Variants in DLG2 observed in about 807,000 individuals in gnomAD.
The protein encoded by DLG2 is disks large homolog 2.
Under a neutral mutation model 132.5 loss-of-function variants are expected in DLG2, and 45 were observed. The observed-to-expected ratio is 0.34, with a 90% CI of 0.27 to 0.44. DLG2 has a LOEUF of 0.44. Ranked by LOEUF, DLG2 falls within the 20% of genes least tolerant of loss-of-function variation. The probability of loss-of-function intolerance (pLI) is 1.00; values close to 1 mark genes in which losing one functional copy is unlikely to be tolerated. For synonymous variants in DLG2, 424 were observed against 419.6 expected (o/e 1.01, Z -0.13); for missense variants, 1,045 against 1,196.9 (o/e 0.87, Z 1.87).
chr11:85,403,903 T>C (rs1481839119), intron 3 of DLG2, among the ~76,000 whole-genome samples: 1 of 151,972 alleles, frequency 6.6e-6, no homozygotes, highest in Non-Finnish European at 1.5e-5. Flanking sequence ...TAGGGGTAAA[T>C]TCAAAAGAAG....
chr11:84,958,388 C>G (rs1304513926), intron 6 of DLG2, among the ~76,000 whole-genome samples: 4 of 152,206 alleles, frequency 2.6e-5, no homozygotes, highest in Non-Finnish European at 4.4e-5. Context: ...TATGTAACAG[C>G]ATTTGCTGAC....
chr11:85,344,978 A>C (rs988832340), intron 3 of DLG2, among the ~76,000 whole-genome samples: 8 of 151,494 alleles, frequency 5.3e-5, no homozygotes, highest in Non-Finnish European at 7.4e-5. Flanking sequence ...CAAAAAAAAA[A>C]CAGCAAAATA....
chr11:83,497,765 A>G (rs2094227308), intron 21 of DLG2, among the ~76,000 whole-genome samples: 1 of 152,120 alleles, frequency 6.6e-6, no homozygotes, highest in Non-Finnish European at 1.5e-5. Flanking sequence ...TTTCAGCTCT[A>G]TCTATTGTCC....
intron 15 of DLG2, among the ~76,000 whole-genome samples, chr11:83,893,260 GGTCATAA>G (rs1330956722): frequency 1.3e-5 from 2 of 152,138 alleles, no homozygotes; most frequent in African/African-American, 4.8e-5. Context: ...CATAACATCA[GGTCATAA>G]GTTGCCCAAC....
At chr11:84,225,967 C>T (rs888879283) in intron 8 of DLG2, among the ~76,000 whole-genome samples, 12 of 152,034 alleles carry the variant, frequency 7.9e-5, no homozygotes, top group African/African-American at 2.2e-4. Context: ...CAGGCCACCA[C>T]GCCTGGCTAA....
intron 15 of DLG2, among the ~76,000 whole-genome samples, chr11:83,884,351 A>G (rs960802851): frequency 3.3e-5 from 5 of 152,204 alleles, no homozygotes; most frequent in African/African-American, 1.2e-4. Flanking sequence ...CTAGCACAGC[A>G]GTCTGAGATT....
In DLG2 at chr11:84,600,218, A is replaced by G. The variant is rs1431331097; in HGVS notation, c.358-65487T>C. On this transcript the variant is annotated intron_variant, in intron 6 of 27. Transcript: ENST00000376104. ...AAAGAAAGAAAGAAAGAAAGAAAGAAAGAAAGAGAAAGAAAGACAGAAAAG... is the reference window on the plus strand; with the variant it reads ...AAAGAAAGAAAGAAAGAAAGAAAGAGAGAAAGAGAAAGAAAGACAGAAAAG... Among the ~76,000 whole-genome samples, 58 of 132,554 alleles carry G rather than the reference A, an allele frequency of 4.4e-4. 1 individual carries two copies. Among genetic ancestry groups the G allele is most frequent in the South Asian group, 1.3e-3 (5 of 3,878 alleles). The allele number at this position is 132,554 out of a possible 152,430, so 87.0% of individuals were successfully genotyped here.
intron 6 of DLG2, among the ~76,000 whole-genome samples, chr11:84,755,253 C>T (rs904353005): frequency 3.3e-5 from 5 of 152,186 alleles, no homozygotes; most frequent in African/African-American, 9.7e-5. Context: ...CTGCACAGAA[C>T]TTGGTACCAA....
chr11:83,791,167 C>T, intron 17 of DLG2: 1 of 641,526 alleles, frequency 1.6e-6, no homozygotes, highest in Non-Finnish European at 2.8e-6. Context: ...GAGGCCATGG[C>T]ATGGGACTGC....
At chr11:84,364,758 A>G (rs2098671647) in intron 7 of DLG2, among the ~76,000 whole-genome samples, 1 of 152,124 alleles carries the variant, frequency 6.6e-6, no homozygotes, top group Non-Finnish European at 1.5e-5. Context: ...TTCTGCATCT[A>G]TTGAGATAAT....
intron 8 of DLG2, among the ~76,000 whole-genome samples, chr11:84,166,230 G>C (rs758905332): frequency 1.1e-4 from 16 of 152,142 alleles, no homozygotes; most frequent in Admixed American, 6.5e-4. Flanking sequence ...AGGGCTGGGC[G>C]CAGTGGCTCA....
At chr11:85,500,996 T>A (rs372026274) in intron 3 of DLG2, among the ~76,000 whole-genome samples, 2 of 152,128 alleles carry the variant, frequency 1.3e-5, no homozygotes, top group African/African-American at 4.8e-5. Flanking sequence ...GCTGGAGGCA[T>A]CACACTACCT....
At chr11:83,609,876 G>A (rs769966123) in intron 19 of DLG2, among the ~76,000 whole-genome samples, 5 of 152,132 alleles carry the variant, frequency 3.3e-5, no homozygotes, top group Non-Finnish European at 7.4e-5. Context: ...TTGGGCAAAG[G>A]CAGCCACATA....
chr11:84,560,922 G>A (rs1015464687), intron 6 of DLG2, among the ~76,000 whole-genome samples: 1 of 151,980 alleles, frequency 6.6e-6, no homozygotes, highest in Non-Finnish European at 1.5e-5. Context: ...GATTTATTGG[G>A]CATCTGTCAT....
At chr11:85,518,565 G>C (rs972427034) in intron 3 of DLG2, among the ~76,000 whole-genome samples, 1 of 152,190 alleles carries the variant, frequency 6.6e-6, no homozygotes, top group African/African-American at 2.4e-5. Context: ...AAGGGAAGCA[G>C]AGCACAAAAG....
At chr11:83,998,957 T>C (rs1383383376) in intron 11 of DLG2, among the ~76,000 whole-genome samples, 2 of 152,138 alleles carry the variant, frequency 1.3e-5, no homozygotes, top group Admixed American at 6.5e-5. Context: ...GACTGAAGCA[T>C]AAGTAAGGTA....
chr11:83,630,124 A>G (rs916530360), intron 19 of DLG2, among the ~76,000 whole-genome samples: 5 of 152,208 alleles, frequency 3.3e-5, no homozygotes, highest in African/African-American at 1.2e-4. Flanking sequence ...ACTAGATTAG[A>G]AAATAGAGAG....
At chr11:84,393,962 T>G (rs2098801960) in intron 7 of DLG2, among the ~76,000 whole-genome samples, 1 of 152,098 alleles carries the variant, frequency 6.6e-6, no homozygotes, top group South Asian at 2.1e-4. Context: ...CTTGGCTAAC[T>G]GCAACCTCCA....
intron 6 of DLG2, among the ~76,000 whole-genome samples, chr11:85,098,012 A>G (rs1423926009): frequency 1.3e-5 from 2 of 152,238 alleles, no homozygotes; most frequent in Non-Finnish European, 1.5e-5. Context: ...AGCTCTCAGA[A>G]TAAGTACTCT....
Sources: allele counts gnomAD v4.1 joint callset (sites outside exome capture counted in the v4.1 genomes callset), GRCh38; gene constraint gnomAD v4.1.1; transcripts MANE v1.5; gene names NCBI Gene and HGNC (gene_info 2026-07-23, HGNC 2026-07-21).